MAF: variants seen among roughly 807,000 people sequenced by gnomAD.
MAF encodes the protein transcription factor Maf.
A neutral mutation model predicts 22.0 loss-of-function variants in MAF; 10 were observed. That is an observed-to-expected ratio of 0.45 (90% CI 0.28 to 0.77). MAF has a LOEUF of 0.77. Ranked by LOEUF, MAF falls within the 30% of genes least tolerant of loss-of-function variation. The pLI is 0.12. For synonymous variants in MAF, 337 were observed against 255.8 expected (o/e 1.32, Z -3.03); for missense variants, 544 against 548.4 (o/e 0.99, Z 0.08).
chr16:79,526,796 T>C, the MAF span, among the ~76,000 whole-genome samples: 1 of 151,966 alleles, frequency 6.6e-6, no homozygotes, highest in Non-Finnish European at 1.5e-5. Context: ...AAACGTGGAG[T>C]TAGGAAGAGA....
In MAF at chr16:79,599,141, G is replaced by T; in HGVS notation, c.762C>A (p.Gly254=). 6.4e-7 allele frequency: 1 copy of T among 1,565,916 alleles called. No individual in the cohort carries two copies. The highest frequency in any genetic ancestry group is 2.3e-5 in the East Asian group (1 of 42,956). The change falls in exon 1 of 2, where the codon GGC becomes GGA. Residue 254 remains glycine, a synonymous_variant. Transcript: ENST00000326043. The part of the protein sequence containing the change: ...GALHPHHAAG[G]LHFDDRFSDE... ...CGGAGAAGCGGTCGTCGAAGTGCAG[G>T]CCGCCGGCGGCGTGGTGCGGGTGCA...
chr16:79,303,314 C>T, the MAF span, among the ~76,000 whole-genome samples: 1 of 152,184 alleles, frequency 6.6e-6, no homozygotes, highest in Non-Finnish European at 1.5e-5. Context: ...AAGTGTTGTG[C>T]CTCACCAGGC....
chr16:79,252,092 C>T, the MAF span, among the ~76,000 whole-genome samples: 24 of 152,228 alleles, frequency 1.6e-4, no homozygotes, highest in African/African-American at 5.5e-4. Flanking sequence ...TAGAAAGAAA[C>T]ATTTGGTCAA....
chr16:79,584,988 A>T (rs373049992), downstream of MAF, among the ~76,000 whole-genome samples: 16 of 152,290 alleles, frequency 1.1e-4, no homozygotes, highest in East Asian at 2.9e-3. Flanking sequence ...TGAAAGTGTG[A>T]TTTTTGCCCC....
At chr16:79,492,220 G>T in the MAF span, among the ~76,000 whole-genome samples, 2 of 152,176 alleles carry the variant, frequency 1.3e-5, no homozygotes, top group Non-Finnish European at 1.5e-5. Context: ...AAGAATGCAG[G>T]CAGGGAGGCA....
chr16:79,517,717 G>A, the MAF span, among the ~76,000 whole-genome samples: 1 of 151,964 alleles, frequency 6.6e-6, no homozygotes, highest in Non-Finnish European at 1.5e-5. Context: ...AGGGATTACA[G>A]GCACCCGCCA....
chr16:79,337,475 G>C, the MAF span, among the ~76,000 whole-genome samples: 2 of 152,188 alleles, frequency 1.3e-5, no homozygotes, highest in African/African-American at 2.4e-5. Context: ...GGCTGAGGCA[G>C]AAGAATCGCT....
At chr16:79,432,799 T>C in the MAF span, among the ~76,000 whole-genome samples, 1 of 152,058 alleles carries the variant, frequency 6.6e-6, no homozygotes, top group African/African-American at 2.4e-5. Context: ...GCGATGCATG[T>C]ACAAGCCAAG....
chr16:79,598,341 A>T, intron 1 of MAF: 1 of 1,124,274 alleles, frequency 8.9e-7, no homozygotes, highest in Non-Finnish European at 1.1e-6. Context: ...GAAGGGGAAG[A>T]AGAAGAAAAA....
chr16:79,419,574 A>C, the MAF span, among the ~76,000 whole-genome samples: 13 of 152,138 alleles, frequency 8.5e-5, no homozygotes, highest in East Asian at 2.5e-3. Flanking sequence ...AGGATGTTCC[A>C]CCTCTTATCT....
At chr16:79,368,593 G>A in the MAF span, among the ~76,000 whole-genome samples, 2 of 152,232 alleles carry the variant, frequency 1.3e-5, no homozygotes, top group Non-Finnish European at 2.9e-5. Context: ...AAATGTTGAT[G>A]TCCTTTCCAA....
chr16:79,293,843 G>A, the MAF span, among the ~76,000 whole-genome samples: 1 of 74,208 alleles, frequency 1.3e-5, no homozygotes, highest in Non-Finnish European at 2.6e-5. Context: ...TGAAAAGAGA[G>A]AGAGAGAGAG....
chr16:79,509,594 G>GT, the MAF span, among the ~76,000 whole-genome samples: 2 of 152,228 alleles, frequency 1.3e-5, no homozygotes, highest in Non-Finnish European at 2.9e-5. Context: ...AGAGGGCCGG[G>GT]TCTGGGCCAG....
chr16:79,417,876 G>A, the MAF span, among the ~76,000 whole-genome samples: 5 of 152,086 alleles, frequency 3.3e-5, no homozygotes, highest in South Asian at 2.1e-4. Context: ...CCACGATAAC[G>A]CATCCGTATT....
chr16:79,453,974 G>A, the MAF span, among the ~76,000 whole-genome samples: 2 of 152,152 alleles, frequency 1.3e-5, no homozygotes, highest in East Asian at 1.9e-4. Context: ...AATAATAATG[G>A]CATTAATTCA....
chr16:79,212,731 T>TAGAAA, the MAF span: 4 of 151,774 alleles, frequency 2.6e-5, no homozygotes, highest in Admixed American at 2.6e-4. Flanking sequence ...TTTCATTTTT[T>TAGAAA]AGAAAAGAAA....
the MAF span, among the ~76,000 whole-genome samples, chr16:79,380,385 G>A: frequency 1.3e-5 from 2 of 152,170 alleles, no homozygotes; most frequent in African/African-American, 2.4e-5. Flanking sequence ...AGTAGCATGT[G>A]CTGAATGCTT....
At chr16:79,503,373 C>G in the MAF span, among the ~76,000 whole-genome samples, 1 of 152,132 alleles carries the variant, frequency 6.6e-6, no homozygotes, top group African/African-American at 2.4e-5. Context: ...TTTACAAGGA[C>G]TCACATTTTC....
At chr16:79,520,814 T>C in the MAF span, among the ~76,000 whole-genome samples, 7 of 152,168 alleles carry the variant, frequency 4.6e-5, no homozygotes, top group African/African-American at 1.7e-4. Flanking sequence ...AAGGTTGTTA[T>C]TGCTCCTGAT....
Sources: allele counts gnomAD v4.1 joint callset (sites outside exome capture counted in the v4.1 genomes callset), GRCh38; gene constraint gnomAD v4.1.1; transcripts MANE v1.5; gene names NCBI Gene and HGNC (gene_info 2026-07-23, HGNC 2026-07-21).